Variants in PHYKPL observed in about 807,000 individuals in gnomAD.
PHYKPL encodes 5-phosphonooxy-L-lysine phospho-lyase.
A neutral mutation model predicts 51.3 loss-of-function variants in PHYKPL; 42 were observed. The observed-to-expected ratio is 0.82, with a 90% CI of 0.64 to 1.06. PHYKPL has a LOEUF of 1.06. Among genes scored for constraint, PHYKPL ranks in the 50% least tolerant of loss-of-function variants. The pLI is 0.00. For missense variants in PHYKPL, 655 were observed against 586.6 expected (o/e 1.12, Z -1.20); for synonymous variants, 264 against 236.0 (o/e 1.12, Z -1.09).
In PHYKPL at chr5:178,212,052, A is replaced by G. The variant is rs1328700544; in HGVS notation, c.1304-82T>C. On this transcript the variant is annotated intron_variant, in intron 11 of 12. Transcript: ENST00000308158. ...CTGTTGACTTCAGTGTCCAAACTGG[A>G]GGACAGTTTAGAGATTGGGCCCTCT... 5 of 1,466,974 alleles carry G rather than the reference A, an allele frequency of 3.4e-6. No homozygotes were observed. The East Asian group carries it at 1.1e-4, about 33-fold the overall frequency. 90.9% of individuals were successfully genotyped at this position (1,466,974 alleles called of 1,614,324 possible).
intron 10 of PHYKPL, among the ~76,000 whole-genome samples, 172 bp downstream of exon 10, chr5:178,214,624 G>T (rs1025014171): frequency 2.0e-5 from 3 of 152,094 alleles, no homozygotes; most frequent in African/African-American, 4.8e-5. Flanking sequence ...CAGCTGATAG[G>T]ATCAGCTGTC....
chr5:178,228,207 G>A (rs182768871), intron 3 of PHYKPL: 23 of 332,754 alleles, frequency 6.9e-5, no homozygotes, highest in Non-Finnish European at 1.3e-4. Context: ...TGAGGAGAGG[G>A]CTCAGAGAGA....
chr5:178,231,969 G>A, intron 1 of PHYKPL: 1 of 1,228,254 alleles, frequency 8.1e-7, no homozygotes, highest in Non-Finnish European at 1.0e-6. Flanking sequence ...CTGGGTGCCA[G>A]CCCTAAGCTC....
At chr5:178,229,773 A>G in intron 3 of PHYKPL, 167 bp downstream of exon 3, 1 of 744,052 alleles carries the variant, frequency 1.3e-6, no homozygotes, top group Non-Finnish European at 2.1e-6. Context: ...ACTGGATCCA[A>G]CAGAGAAAGC....
rs1024518822 is a variant in PHYKPL at position 178,208,512 on chromosome 5, A to G, written c.*435T>C. On this transcript the variant is annotated 3_prime_UTR_variant, in exon 13 of 13. Transcript: ENST00000308158. ...GTATATTTAGTTGGTTATATTCAGT[A>G]TTTTTAATTTAGTAGGATAGAATAT... 2.0e-5 allele frequency: 3 copies of G among 152,156 alleles called. No homozygotes were observed. Among genetic ancestry groups the G allele is most frequent in the Non-Finnish European group, 2.9e-5 (2 of 68,034 alleles). The allele number at this position is 152,156 out of a possible 1,614,324, so 9.4% of individuals were successfully genotyped here. A position where few individuals can be genotyped will look rare whatever the true frequency, so the allele number is the denominator to read the frequency against.
chr5:178,212,901 T>A, intron 11 of PHYKPL, 72 bp downstream of exon 11: 1 of 1,584,590 alleles, frequency 6.3e-7, no homozygotes. Flanking sequence ...CCCTGTTCCA[T>A]GCTAGGAGGC....
chr5:178,225,534 A>C, intron 3 of PHYKPL, 105 bp from the exon 4 acceptor site: 2 of 1,039,070 alleles, frequency 1.9e-6, no homozygotes, highest in Non-Finnish European at 3.0e-6. Context: ...GATTCTCAGG[A>C]CATCAACTAG....
At chr5:178,208,954 G>A (rs1172636406) in intron 12 of PHYKPL, 39 bp from the exon 13 acceptor site, 2 of 189,684 alleles carry the variant, frequency 1.1e-5, no homozygotes, top group Non-Finnish European at 2.2e-5. Flanking sequence ...CATTGTCTAA[G>A]GCCCCTCATC....
intron 8 of PHYKPL, among the ~76,000 whole-genome samples, chr5:178,217,502 C>T (rs1048082181): frequency 1.3e-5 from 2 of 149,746 alleles, no homozygotes; most frequent in Admixed American, 6.7e-5. Flanking sequence ...AAATTACAGG[C>T]GTGAGCCACT....
chr5:178,211,552 C>A, intron 12 of PHYKPL: 1 of 240,264 alleles, frequency 4.2e-6, no homozygotes, highest in Non-Finnish European at 8.1e-6. Flanking sequence ...TGAAGAAAAG[C>A]CTGCTCTGGC....
chr5:178,229,762 A>C, intron 3 of PHYKPL, 178 bp downstream of exon 3: 2 of 650,120 alleles, frequency 3.1e-6, no homozygotes, highest in Non-Finnish European at 5.0e-6. Flanking sequence ...GAGACAAGGA[A>C]ACTGGATCCA....
chr5:178,226,876 C>T lies in PHYKPL; in HGVS notation c.339-1447G>A, dbSNP rs140043432. Reference sequence around the variant, plus strand: ...GGAGTTATGAGCCAGGAACTGTGGACGAAAATGAATGCGTGTGTTTGTATA... The same window carrying T: ...GGAGTTATGAGCCAGGAACTGTGGATGAAAATGAATGCGTGTGTTTGTATA... On this transcript the variant is annotated intron_variant, in intron 3 of 12. Transcript: ENST00000308158. Among the ~76,000 whole-genome samples the T allele has an allele frequency of 1.8e-3, 267 of 151,882 alleles. 1 individual carries two copies. The highest frequency in any genetic ancestry group is 3.5e-3 in the Admixed American group (54 of 15,266).
At chr5:178,232,280 G>A (rs1287824413) in intron 1 of PHYKPL, 2 of 1,243,016 alleles carry the variant, frequency 1.6e-6, no homozygotes, top group African/African-American at 1.6e-5. Context: ...CGGGGAGGCG[G>A]CCCCGGAGAC....
chr5:178,230,274 A>C, intron 2 of PHYKPL, 175 bp from the exon 3 acceptor site: 3 of 699,304 alleles, frequency 4.3e-6, no homozygotes, highest in Non-Finnish European at 6.9e-6. Flanking sequence ...GGAAAGGCAG[A>C]TCCAGGAGTT....
intron 12 of PHYKPL, chr5:178,209,985 G>A: frequency 9.7e-7 from 1 of 1,033,850 alleles, no homozygotes; most frequent in African/African-American, 2.4e-5. Flanking sequence ...TTGGGCCCAG[G>A]GCCCTTATAC....
chr5:178,215,177 G>A (rs767345535), intron 9 of PHYKPL, 99 bp downstream of exon 9: 478 of 1,566,220 alleles, frequency 3.1e-4, no homozygotes, highest in Non-Finnish European at 4.0e-4. Context: ...TCTTGAGAGC[G>A]GACATAACCC....
At chr5:178,225,260 C>G in intron 4 of PHYKPL, 95 bp downstream of exon 4, 2 of 1,448,514 alleles carry the variant, frequency 1.4e-6, no homozygotes, top group Admixed American at 1.8e-5. Context: ...GCCCCTTATC[C>G]TCCCTGCCTA....
intron 8 of PHYKPL, 86 bp from the exon 9 acceptor site, chr5:178,215,516 C>T (rs1215976866): frequency 1.0e-5 from 15 of 1,478,834 alleles, no homozygotes; most frequent in African/African-American, 1.4e-5. Flanking sequence ...AACTGCCACA[C>T]GTGTTCCAAG....
chr5:178,212,082 A>G (rs550530701), intron 11 of PHYKPL, 112 bp from the exon 12 acceptor site: 7 of 1,103,150 alleles, frequency 6.3e-6, no homozygotes, highest in East Asian at 2.4e-5. Context: ...CCCTCTGGCT[A>G]TCCACACCCA....
Sources: gnomAD v4.1 joint callset for allele counts (sites outside exome capture counted in the v4.1 genomes callset) on GRCh38, gnomAD v4.1.1 for gene constraint, MANE v1.5 for transcripts, NCBI Gene and HGNC (gene_info 2026-07-23, HGNC 2026-07-21) for gene names.